The following SLIT3 variants were observed in gnomAD, a reference collection of about 807,000 sequenced individuals.
SLIT3 encodes the protein slit guidance ligand 3, also known as slit homolog 3 protein.
A neutral mutation model predicts 184.0 loss-of-function variants in SLIT3; 68 were observed. The observed-to-expected ratio is 0.37, with a 90% CI of 0.30 to 0.45. The LOEUF (loss-of-function observed/expected upper bound fraction) is 0.45, where lower values mean the gene tolerates loss of function less well. SLIT3 is among the 20% of genes least tolerant of loss of function. The pLI, the probability that SLIT3 is intolerant of heterozygous loss-of-function variation, is 1.00. For missense variants in SLIT3, 1,707 were observed against 2,026.0 expected, an observed-to-expected ratio of 0.84 and a Z score of 3.02; for synonymous variants, 831 against 828.6, an observed-to-expected ratio of 1.00 and a Z score of -0.05.
chr5:168,909,437 G>A (rs1761184633), intron 4 of SLIT3, among the ~76,000 whole-genome samples: 1 of 152,204 alleles, frequency 6.6e-6, no homozygotes, highest in Non-Finnish European at 1.5e-5. Flanking sequence ...GCCGCCCTCT[G>A]TAGAAGGTAC....
At chr5:169,256,590 A>T (rs181310061) in intron 1 of SLIT3, among the ~76,000 whole-genome samples, 1 of 152,190 alleles carries the variant, frequency 6.6e-6, no homozygotes. Context: ...TAACGCATGA[A>T]GTTTTGGGGT....
chr5:169,281,423 C>A (rs1299993115), intron 1 of SLIT3, among the ~76,000 whole-genome samples: 2 of 152,146 alleles, frequency 1.3e-5, no homozygotes, highest in East Asian at 3.9e-4. Context: ...TTGCAGTAGG[C>A]CGAGATGGCG....
intron 4 of SLIT3, among the ~76,000 whole-genome samples, chr5:169,058,297 T>C (rs887591748): frequency 3.9e-5 from 6 of 152,214 alleles, no homozygotes; most frequent in African/African-American, 1.4e-4. Context: ...ACCGATTCTT[T>C]GTCCACCTGC....
chr5:169,281,111 G>A (rs1203944376), intron 1 of SLIT3, among the ~76,000 whole-genome samples: 1 of 152,214 alleles, frequency 6.6e-6, no homozygotes, highest in African/African-American at 2.4e-5. Context: ...ATAGAGCCAA[G>A]CTGAGCTTCT....
intron 4 of SLIT3, among the ~76,000 whole-genome samples, chr5:169,156,778 C>T (rs1762320708): frequency 6.6e-6 from 1 of 152,172 alleles, no homozygotes; most frequent in South Asian, 2.1e-4. Flanking sequence ...CGTAGATGTG[C>T]TTTTGCTTAT....
intron 4 of SLIT3, among the ~76,000 whole-genome samples, chr5:169,075,397 C>T (rs1283229089): frequency 6.6e-6 from 1 of 152,170 alleles, no homozygotes; most frequent in Non-Finnish European, 1.5e-5. Context: ...GGACCTGGAG[C>T]TTTCTCTGCT....
chr5:168,947,855 C>T (rs1355326462), intron 4 of SLIT3, among the ~76,000 whole-genome samples: 3 of 152,014 alleles, frequency 2.0e-5, no homozygotes, highest in South Asian at 2.1e-4. Flanking sequence ...GGTACAATCT[C>T]GATCTTGGCT....
rs575346280 is a variant in SLIT3, at chr5:168,697,136, G to C, written c.2943-705C>G. Among the ~76,000 whole-genome samples the C allele has an allele frequency of 7.2e-5, 11 of 152,266 alleles. No individual in the cohort carries two copies. The South Asian group carries it at 2.1e-3, about 29-fold the overall frequency. ...CCCTACTTCCTTAACTGTTCTTCAG[G>C]GATGCCATTTCTTCCCATCATGTAT... On this transcript the variant is annotated intron_variant, in intron 27 of 35. Transcript: ENST00000519560.
At chr5:169,087,549 T>C (rs998388866) in intron 4 of SLIT3, among the ~76,000 whole-genome samples, 1 of 152,228 alleles carries the variant, frequency 6.6e-6, no homozygotes, top group Non-Finnish European at 1.5e-5. Context: ...CCTATGTGCC[T>C]AACATGAGGG....
chr5:169,098,084 T>C lies in SLIT3; in HGVS notation c.413+95395A>G, dbSNP rs186441751. On this transcript the variant is annotated intron_variant, in intron 4 of 35. Transcript: ENST00000519560. ...AGAGAAACTCTGACCCCAGGCAAGC[T>C]GCCTGGGCCTTCCCAATGGGTATCC... Among the ~76,000 whole-genome samples, 505 of 152,310 alleles carry C rather than the reference T, an allele frequency of 3.3e-3. 4 individuals are homozygous for C. The highest frequency in any genetic ancestry group is 0.02 in the Middle Eastern group (6 of 294).
At chr5:168,880,057 C>T (rs1045649519) in intron 5 of SLIT3, among the ~76,000 whole-genome samples, 1 of 152,178 alleles carries the variant, frequency 6.6e-6, no homozygotes, top group African/African-American at 2.4e-5. Context: ...TCACTGACTG[C>T]GAAGCTCTGT....
Position 168,749,830 on chromosome 5 carries a change from T to TCGC in SLIT3, c.1974-198_1974-196dup, listed in dbSNP as rs534676407. Among the ~76,000 whole-genome samples the TCGC allele has an allele frequency of 5.3e-5, 8 of 152,312 alleles. No homozygotes were observed. In the South Asian group the frequency reaches 1.7e-3, roughly 32 times the overall value. Reference sequence around the variant, plus strand: ...CTCTGATGGATGTGGCTGTGGTGTCTCGCCATGCCCTCCCTTGGGTACCAA... The same window carrying TCGC: ...CTCTGATGGATGTGGCTGTGGTGTCTCGCCGCCATGCCCTCCCTTGGGTACCAA... On this transcript the variant is annotated intron_variant, in intron 18 of 35. Transcript: ENST00000519560.
intron 20 of SLIT3, among the ~76,000 whole-genome samples, chr5:168,746,391 TGTGGTGTCTG>T (rs1763813515): frequency 1.3e-5 from 1 of 78,660 alleles, no homozygotes; most frequent in African/African-American, 5.5e-5. Flanking sequence ...GGTGTGGGTG[TGTGGTGTCTG>T]GTGGTGTGTA....
At chr5:169,157,726 C>T (rs982500402) in intron 4 of SLIT3, among the ~76,000 whole-genome samples, 1 of 152,056 alleles carries the variant, frequency 6.6e-6, no homozygotes, top group Non-Finnish European at 1.5e-5. Flanking sequence ...AAAGATGCCA[C>T]CACTGATTTG....
At chr5:169,270,380 T>C (rs1406096673) in intron 1 of SLIT3, among the ~76,000 whole-genome samples, 1 of 152,206 alleles carries the variant, frequency 6.6e-6, no homozygotes, top group Non-Finnish European at 1.5e-5. Flanking sequence ...TGTTTTCATA[T>C]GGATTGGGAG....
At chr5:169,113,396 G>A (rs534684435) in intron 4 of SLIT3, among the ~76,000 whole-genome samples, 14 of 152,216 alleles carry the variant, frequency 9.2e-5, no homozygotes, top group South Asian at 2.1e-4. Flanking sequence ...GCCTGTGTCC[G>A]AATTCTTCCT....
chr5:168,817,523 T>C, intron 7 of SLIT3, 60 bp from the exon 8 acceptor site: 1 of 1,563,698 alleles, frequency 6.4e-7, no homozygotes, highest in Non-Finnish European at 8.8e-7. Context: ...AGGCTGTCAC[T>C]GGCCAGACAG....
At chr5:169,092,640 C>T (rs11744892) in intron 4 of SLIT3, among the ~76,000 whole-genome samples, 53,386 of 151,976 alleles carry the variant, frequency 0.35, 9,520 homozygotes, top group East Asian at 0.43. Context: ...TCTGTCAGCA[C>T]GCATAATTCT....
At chr5:168,721,054 A>G (rs939934995) in intron 23 of SLIT3, among the ~76,000 whole-genome samples, 2 of 152,186 alleles carry the variant, frequency 1.3e-5, no homozygotes, top group African/African-American at 4.8e-5. Context: ...TCTTGGTCTC[A>G]CAGCAGTGTT....
Sources: allele counts gnomAD v4.1 joint callset (sites outside exome capture counted in the v4.1 genomes callset), GRCh38; gene constraint gnomAD v4.1.1; transcripts MANE v1.5; gene names NCBI Gene and HGNC (gene_info 2026-07-23, HGNC 2026-07-21).